The following IGSF10 variants were observed in gnomAD, a reference collection of about 807,000 sequenced individuals.
The protein encoded by IGSF10 is immunoglobulin superfamily member 10.
A neutral mutation model predicts 128.2 loss-of-function variants in IGSF10; 126 were observed. The ratio of observed to expected loss-of-function variants is 0.98; its 90% CI spans 0.85 to 1.14. The LOEUF (loss-of-function observed/expected upper bound fraction) is 1.14. Ranked by LOEUF, IGSF10 falls within the 50% of genes most tolerant of loss-of-function variation. The pLI is 0.00. For synonymous variants in IGSF10, 1,185 were observed against 1,146.2 expected, an observed-to-expected ratio of 1.03 and a Z score of -0.68; for missense variants, 3,295 against 3,149.8, an observed-to-expected ratio of 1.05 and a Z score of -1.10.
chr3:151,498,401 C>T, the IGSF10 span, among the ~76,000 whole-genome samples: 4 of 151,962 alleles, frequency 2.6e-5, no homozygotes, highest in Non-Finnish European at 5.9e-5. Context: ...AACATCCATG[C>T]AAAAATCCTC....
the IGSF10 span, among the ~76,000 whole-genome samples, chr3:151,545,660 G>A: frequency 6.6e-6 from 1 of 152,100 alleles, no homozygotes; most frequent in African/African-American, 2.4e-5. Context: ...GTCAAGAACC[G>A]GCCTTCCATC....
At position 151,447,931 on chromosome 3, in the gene IGSF10, A is replaced by T; in HGVS notation, c.2050T>A (p.Ser684Thr). 1 of 1,613,912 alleles carries T rather than the reference A, an allele frequency of 6.2e-7. No individual in the cohort carries two copies. Among genetic ancestry groups the T allele is most frequent in the Non-Finnish European group, 8.5e-7 (1 of 1,179,980 alleles). ...GETEGSGLDE[S>T]NPIAHLKEPP... ...TCCTTAAGATGAGCAATAGGATTGG[A>T]CTCATCAAGTCCAGATCCCTCTGTT... The change falls in exon 6 of 8, where the codon TCC becomes ACC. Residue 684 changes from serine to threonine, a missense_variant. Transcript: ENST00000282466.
chr3:151,547,429 T>TACAC, the IGSF10 span, among the ~76,000 whole-genome samples: 583 of 146,940 alleles, frequency 4.0e-3, 2 homozygotes, highest in African/African-American at 0.013. Flanking sequence ...AATATATATA[T>TACAC]ACACACACAC....
chr3:151,539,886 C>T, the IGSF10 span, among the ~76,000 whole-genome samples: 1 of 152,028 alleles, frequency 6.6e-6, no homozygotes, highest in African/African-American at 2.4e-5. Flanking sequence ...ATTCGTCTGT[C>T]TGTTCATCCA....
chr3:151,588,660 T>C, the IGSF10 span, among the ~76,000 whole-genome samples: 2 of 152,200 alleles, frequency 1.3e-5, no homozygotes, highest in African/African-American at 4.8e-5. Context: ...ATTTGGTAAA[T>C]ATTAACTGAG....
At chr3:151,441,954 A>G (rs927361358) in intron 7 of IGSF10, among the ~76,000 whole-genome samples, 6 of 152,278 alleles carry the variant, frequency 3.9e-5, no homozygotes, top group East Asian at 1.9e-4. Flanking sequence ...CCAGCTACTC[A>G]GGAGGCTGAG....
At chr3:151,478,618 CCTTTT>C in the IGSF10 span, among the ~76,000 whole-genome samples, 3 of 152,224 alleles carry the variant, frequency 2.0e-5, no homozygotes, top group South Asian at 2.1e-4. Context: ...AAGTAAATGC[CCTTTT>C]CTTTTCAGAA....
At chr3:151,536,309 C>T in the IGSF10 span, among the ~76,000 whole-genome samples, 4 of 152,110 alleles carry the variant, frequency 2.6e-5, no homozygotes, top group Non-Finnish European at 4.4e-5. Context: ...ACTCCACCTA[C>T]GGATCTAAGA....
At position 151,437,928 on chromosome 3, in the gene IGSF10, G is replaced by C. The variant is rs74773949; in HGVS notation, c.6633C>G (p.Tyr2211Ter). ...NKVKLLDSGE[Y>*]VCVARNPSGD... is the part of the protein sequence containing the mutation. ...CACTGGGATTTCGGGCTACACATAC[G>C]TACTCTCCAGAATCGAGCAGTTTCA... The change falls in exon 8 of 8, where the codon TAC becomes TAG. Residue 2211 changes from tyrosine (Y) to a stop codon, truncating the protein, a stop_gained. Transcript: ENST00000282466. LOFTEE classifies it low-confidence loss of function (END_TRUNC). 1 of 1,614,024 alleles carries C rather than the reference G, an allele frequency of 6.2e-7. No individual in the cohort carries two copies. The highest frequency in any genetic ancestry group is 1.3e-5 in the African/African-American group (1 of 74,924).
At chr3:151,436,142 C>G (rs1047639917), downstream of IGSF10, 5 of 152,144 alleles carry the variant, frequency 3.3e-5, no homozygotes, top group Non-Finnish European at 5.9e-5. Context: ...TTTTTGTATT[C>G]CCCATCAATG....
intron 7 of IGSF10, among the ~76,000 whole-genome samples, chr3:151,442,384 T>TTA (rs1720908329): frequency 1.4e-5 from 2 of 144,840 alleles, no homozygotes; most frequent in African/African-American, 5.3e-5. Flanking sequence ...ATTACTATTT[T>TTA]TTTTTTTTTT....
chr3:151,467,569 T>G, the IGSF10 span, among the ~76,000 whole-genome samples: 3 of 152,060 alleles, frequency 2.0e-5, no homozygotes, highest in Non-Finnish European at 4.4e-5. Context: ...AAGCTCCTCA[T>G]GAGAAGGACC....
At chr3:151,577,420 ATCT>A in the IGSF10 span, among the ~76,000 whole-genome samples, 1 of 152,122 alleles carries the variant, frequency 6.6e-6, no homozygotes. Context: ...CAAAGACTAA[ATCT>A]TCTCCATTTT....
At chr3:151,597,457 T>A in the IGSF10 span, among the ~76,000 whole-genome samples, 1 of 152,180 alleles carries the variant, frequency 6.6e-6, no homozygotes, top group Non-Finnish European at 1.5e-5. Flanking sequence ...AAGAAGAACA[T>A]CCCTGGCATA....
rs1336162172 is a variant in IGSF10 at position 151,453,327 on chromosome 3, A to T, written c.715+57T>A. ...TGGGCTCTCCACTTCCTAATATAAT[A>T]CCTCCAAGCAGATTTCCTCCACTTA... On this transcript the variant is annotated intron_variant, in intron 5 of 7. Coordinates refer to ENST00000282466, the MANE Select transcript of IGSF10 (RefSeq NM_178822.5). 12 of 1,379,056 alleles carry T rather than the reference A, an allele frequency of 8.7e-6. No individual in the cohort carries two copies. The East Asian group carries it at 2.8e-4, about 32-fold the overall frequency. The allele number at this position is 1,379,056 out of a possible 1,614,324, so 85.4% of individuals were successfully genotyped here. A position where few individuals can be genotyped will look rare whatever the true frequency, so the allele number is the denominator to read the frequency against.
At chr3:151,444,870 C>T (rs1355759171) in intron 6 of IGSF10, 49 bp downstream of exon 6, 1 of 1,492,748 alleles carries the variant, frequency 6.7e-7, no homozygotes, top group East Asian at 2.3e-5. Context: ...TAACAATCTT[C>T]TTCTTGTTTT....
chr3:151,540,634 A>C, the IGSF10 span, among the ~76,000 whole-genome samples: 1 of 152,204 alleles, frequency 6.6e-6, no homozygotes, highest in African/African-American at 2.4e-5. Flanking sequence ...ATATCTATGT[A>C]CTTCTGTTGA....
the IGSF10 span, among the ~76,000 whole-genome samples, chr3:151,516,042 A>C: frequency 1.3e-5 from 2 of 151,516 alleles, no homozygotes; most frequent in Non-Finnish European, 1.5e-5. Context: ...TTCATGGTTC[A>C]CTGACTGAGG....
chr3:151,522,585 A>G, the IGSF10 span, among the ~76,000 whole-genome samples: 1 of 152,200 alleles, frequency 6.6e-6, no homozygotes, highest in Admixed American at 6.5e-5. Context: ...ACTAAAAGTA[A>G]AAACCACACA....
Sources: allele counts gnomAD v4.1 joint callset (sites outside exome capture counted in the v4.1 genomes callset), GRCh38; gene constraint gnomAD v4.1.1; transcripts MANE v1.5; gene names NCBI Gene and HGNC (gene_info 2026-07-23, HGNC 2026-07-21).